The following TLN2 variants were observed in gnomAD, a reference collection of about 807,000 sequenced individuals.
TLN2 encodes talin 2.
A neutral mutation model predicts 294.7 loss-of-function variants in TLN2; 118 were observed. That is an observed-to-expected ratio of 0.40 (90% CI 0.34 to 0.47). The LOEUF (loss-of-function observed/expected upper bound fraction) is 0.47. TLN2 is among the 20% of genes least tolerant of loss of function. The pLI, the probability that TLN2 is intolerant of heterozygous loss-of-function variation, is 0.84. For synonymous variants in TLN2, 1,431 were observed against 1,304.5 expected, an observed-to-expected ratio of 1.10 and a Z score of -2.09; for missense variants, 3,083 against 3,282.2, an observed-to-expected ratio of 0.94 and a Z score of 1.48.
intron 3 of TLN2, among the ~76,000 whole-genome samples, chr15:62,625,408 A>G (rs1391764123): frequency 1.3e-5 from 2 of 152,248 alleles, no homozygotes; most frequent in East Asian, 1.9e-4. Context: ...TTTTTTTAGT[A>G]TCAGAGACCA....
chr15:62,761,032 G>A (rs1382182022), intron 37 of TLN2, among the ~76,000 whole-genome samples: 1 of 152,174 alleles, frequency 6.6e-6, no homozygotes, highest in East Asian at 1.9e-4. Context: ...TAATGGAATT[G>A]TACAGGAGGC....
At chr15:62,757,302 T>C (rs7164449) in intron 37 of TLN2, among the ~76,000 whole-genome samples, 150,048 of 152,280 alleles carry the variant, frequency 0.99, 73,967 homozygotes, top group Middle Eastern at 1. Flanking sequence ...CTCTCCAGCC[T>C]GGGAAGAAAG....
chr15:62,842,893 T>A lies in TLN2; in HGVS notation c.*2283T>A, dbSNP rs1213063063. On this transcript the variant is annotated 3_prime_UTR_variant, in exon 59 of 59. Transcript: ENST00000636159. ...CAGTTTCTCATCTGTCCTTTCCTCA[T>A]CCACCCTGCACATGTGTATGTGAAC... The A allele has an allele frequency of 1.3e-5, 2 of 152,176 alleles. No individual in the cohort carries two copies. 9.4% of individuals were successfully genotyped at this position (152,176 alleles called of 1,614,324 possible).
intron 1 of TLN2, among the ~76,000 whole-genome samples, chr15:62,466,219 T>C (rs1029648462): frequency 1.3e-5 from 2 of 152,146 alleles, no homozygotes; most frequent in Non-Finnish European, 2.9e-5. Context: ...CCTCTCTGTT[T>C]AGTGACAATG....
chr15:62,694,443 G>C (rs2058178368), intron 14 of TLN2, 51 bp downstream of exon 14: 1 of 1,519,708 alleles, frequency 6.6e-7, no homozygotes, highest in Non-Finnish European at 9.1e-7. Flanking sequence ...AGATAGGTAG[G>C]TTTCCTCTTG....
At chr15:62,456,472 G>A (rs538941831) in intron 1 of TLN2, among the ~76,000 whole-genome samples, 20 of 152,294 alleles carry the variant, frequency 1.3e-4, no homozygotes, top group Non-Finnish European at 2.2e-4. Flanking sequence ...TTGTGCAGGC[G>A]ACTTTGAATT....
intron 1 of TLN2, among the ~76,000 whole-genome samples, chr15:62,431,113 G>C (rs556290676): frequency 6.6e-6 from 1 of 152,054 alleles, no homozygotes; most frequent in East Asian, 1.9e-4. Flanking sequence ...GAGGGGAAAC[G>C]ACTTTTAACA....
intron 1 of TLN2, among the ~76,000 whole-genome samples, chr15:62,481,231 T>TTC (rs2038073463): frequency 6.6e-6 from 1 of 151,334 alleles, no homozygotes; most frequent in Non-Finnish European, 1.5e-5. Context: ...CTTTTTTTTT[T>TTC]CTCTTGCTGA....
chr15:62,453,367 C>T (rs186331399), intron 1 of TLN2, among the ~76,000 whole-genome samples: 23 of 151,722 alleles, frequency 1.5e-4, no homozygotes, highest in African/African-American at 5.6e-4. Context: ...GCAGCTAGTA[C>T]TGGCTAATGA....
At chr15:62,638,942 T>C (rs942816137) in intron 3 of TLN2, among the ~76,000 whole-genome samples, 1 of 152,182 alleles carries the variant, frequency 6.6e-6, no homozygotes, top group African/African-American at 2.4e-5. Context: ...GAGCGGGCTG[T>C]TGTTGAGTAG....
At chr15:62,749,924 T>G (rs2061832014) in intron 33 of TLN2, among the ~76,000 whole-genome samples, 1 of 152,172 alleles carries the variant, frequency 6.6e-6, no homozygotes, top group South Asian at 2.1e-4. Flanking sequence ...ATGGACAGTT[T>G]GGGGGAATTA....
chr15:62,425,495 T>G (rs555273942), intron 1 of TLN2, among the ~76,000 whole-genome samples: 69 of 152,326 alleles, frequency 4.5e-4, no homozygotes, highest in African/African-American at 1.5e-3. Flanking sequence ...AGACAAAGGC[T>G]TCTTAGCATC....
intron 2 of TLN2, among the ~76,000 whole-genome samples, chr15:62,604,410 A>G (rs4326998): frequency 0.33 from 49,756 of 151,358 alleles, 8,576 homozygotes; most frequent in East Asian, 0.58. Flanking sequence ...GTGGGTAGTG[A>G]CATGCACCTC....
rs576690645 is a variant in TLN2 at position 62,709,821 on chromosome 15, A to T, written c.2467+1025A>T. 8.6e-5 allele frequency among the ~76,000 whole-genome samples: 13 copies of T among 151,594 alleles called. 1 individual carries two copies. The South Asian group carries it at 2.1e-3, about 24-fold the overall frequency. ...ACAATCTTGGCTCACTGCAACCTCCACCTCCCAGGTTCGAGAGATACTCTT... is the reference window on the plus strand; with the variant it reads ...ACAATCTTGGCTCACTGCAACCTCCTCCTCCCAGGTTCGAGAGATACTCTT... On this transcript the variant is annotated intron_variant, in intron 21 of 58. Coordinates refer to ENST00000636159, the MANE Select transcript of TLN2 (RefSeq NM_015059.3).
At chr15:62,560,982 A>G (rs2042911785) in intron 1 of TLN2, among the ~76,000 whole-genome samples, 1 of 152,244 alleles carries the variant, frequency 6.6e-6, no homozygotes, top group Non-Finnish European at 1.5e-5. Flanking sequence ...TTGCCTTTCC[A>G]TTTGTACAGA....
At chr15:62,597,523 C>T (rs924380470) in intron 2 of TLN2, among the ~76,000 whole-genome samples, 11 of 152,176 alleles carry the variant, frequency 7.2e-5, no homozygotes, top group Non-Finnish European at 1.3e-4. Context: ...CTCTCAGGAG[C>T]CCGCTTTGTT....
chr15:62,564,919 A>T (rs369207071), intron 1 of TLN2, among the ~76,000 whole-genome samples: 14,348 of 111,014 alleles, frequency 0.13, 1,018 homozygotes, highest in East Asian at 0.34. Flanking sequence ...AAAAAAAAAA[A>T]AAAAAAATAT....
intron 1 of TLN2, among the ~76,000 whole-genome samples, chr15:62,584,811 G>C (rs193255650): frequency 1.3e-5 from 2 of 152,324 alleles, no homozygotes; most frequent in Admixed American, 1.3e-4. Context: ...TGGATTTTAT[G>C]ATTTTGAATA....
intron 1 of TLN2, among the ~76,000 whole-genome samples, chr15:62,520,597 C>A (rs2040407724): frequency 6.6e-6 from 1 of 152,150 alleles, no homozygotes; most frequent in South Asian, 2.1e-4. Context: ...ACTAAGTCAA[C>A]CTTTTCTTAT....
Sources: allele counts gnomAD v4.1 joint callset (sites outside exome capture counted in the v4.1 genomes callset), GRCh38; gene constraint gnomAD v4.1.1; transcripts MANE v1.5; gene names NCBI Gene and HGNC (gene_info 2026-07-23, HGNC 2026-07-21).